Variants in LAMA2 observed in about 807,000 individuals in gnomAD.
The protein encoded by LAMA2 is laminin subunit alpha-2.
In LAMA2, 269 loss-of-function variants were observed where a neutral mutation model predicts 364.8. That is an observed-to-expected ratio of 0.74 (90% CI 0.67 to 0.82). The LOEUF (loss-of-function observed/expected upper bound fraction) is 0.82, where lower values mean the gene tolerates loss of function less well. LAMA2 is among the 40% of genes least tolerant of loss of function. LAMA2 has a pLI of 0.00. For synonymous variants in LAMA2, 1,379 were observed against 1,370.6 expected (o/e 1.01, Z -0.14); for missense variants, 3,807 against 3,873.2 (o/e 0.98, Z 0.45).
intron 30 of LAMA2, among the ~76,000 whole-genome samples, chr6:129,346,210 G>A (rs1348957252): frequency 6.6e-6 from 1 of 152,176 alleles, no homozygotes; most frequent in Non-Finnish European, 1.5e-5. Context: ...GAAACCCTCT[G>A]TAATCTGACT....
intron 4 of LAMA2, among the ~76,000 whole-genome samples, chr6:129,142,668 T>C (rs1778199745): frequency 6.6e-6 from 1 of 152,082 alleles, no homozygotes. Context: ...CTAATTTTGA[T>C]AGTTACTGCT....
At chr6:129,313,196 A>T in intron 23 of LAMA2, 99 bp downstream of exon 23, 1 of 725,996 alleles carries the variant, frequency 1.4e-6, no homozygotes, top group South Asian at 1.8e-5. Context: ...CTGCTTCATT[A>T]AGCTAAACAA....
chr6:129,238,003 CAA>C (rs372294022), intron 12 of LAMA2, among the ~76,000 whole-genome samples: 4 of 125,362 alleles, frequency 3.2e-5, no homozygotes, highest in African/African-American at 6.4e-5. Context: ...ACTAAAAATA[CAA>C]AAAAAAAAAA....
chr6:129,477,214 A>G (rs185348616), intron 53 of LAMA2, among the ~76,000 whole-genome samples: 179 of 152,372 alleles, frequency 1.2e-3, no homozygotes, highest in African/African-American at 4.1e-3. Flanking sequence ...AAATTAAATA[A>G]CAATAAATAT....
At chr6:129,444,541 C>A (rs891301092) in intron 44 of LAMA2, among the ~76,000 whole-genome samples, 17 of 152,110 alleles carry the variant, frequency 1.1e-4, no homozygotes, top group African/African-American at 3.9e-4. Context: ...CTTGATATAG[C>A]AAATCTATTA....
chr6:129,454,426 A>G (rs1477141073), intron 47 of LAMA2, 138 bp downstream of exon 47: 2 of 683,516 alleles, frequency 2.9e-6, no homozygotes, highest in East Asian at 5.6e-5. Flanking sequence ...AATTTTATAC[A>G]TGTCTGGGAG....
chr6:129,066,729 C>A (rs1196291924), intron 3 of LAMA2, among the ~76,000 whole-genome samples: 1 of 152,146 alleles, frequency 6.6e-6, no homozygotes, highest in Non-Finnish European at 1.5e-5. Context: ...AAAACAGATA[C>A]ATAGACCAAC....
intron 8 of LAMA2, among the ~76,000 whole-genome samples, chr6:129,162,226 G>A (rs1281011619): frequency 9.9e-5 from 15 of 152,118 alleles, no homozygotes; most frequent in Non-Finnish European, 1.5e-5. Context: ...TTAAGCTCAT[G>A]ATATAGTGAT....
intron 1 of LAMA2, among the ~76,000 whole-genome samples, chr6:128,984,837 A>G (rs1267860788): frequency 2.0e-5 from 3 of 152,190 alleles, no homozygotes; most frequent in African/African-American, 7.2e-5. Context: ...ACAAAACAAC[A>G]TAAATTCCAT....
chr6:129,368,055 A>G lies in LAMA2; in HGVS notation c.4860+1694A>G, dbSNP rs11965299. ...GGGTGACTTCTTGCTATGACCCCAC[A>G]TTTAATTCATTTAATATCTGGATAC... On this transcript the variant is annotated intron_variant, in intron 33 of 64. Coordinates refer to ENST00000421865, the MANE Select transcript of LAMA2 (RefSeq NM_000426.4). Among the ~76,000 whole-genome samples, 1,387 of 152,284 alleles carry G rather than the reference A, an allele frequency of 9.1e-3. 22 individuals carry two copies. Among genetic ancestry groups the G allele is most frequent in the African/African-American group, 0.032 (1,333 of 41,538 alleles).
At chr6:129,211,556 C>T (rs1338326766) in intron 12 of LAMA2, among the ~76,000 whole-genome samples, 1 of 152,190 alleles carries the variant, frequency 6.6e-6, no homozygotes, top group Non-Finnish European at 1.5e-5. Flanking sequence ...AGAAGGGACC[C>T]GTGGTCCAGT....
In LAMA2 at chr6:129,391,651, G is replaced by C; in HGVS notation, c.5232G>C (p.Leu1744Phe). 1 of 1,612,118 alleles carries C rather than the reference G, an allele frequency of 6.2e-7. No individual in the cohort carries two copies. Among genetic ancestry groups the C allele is most frequent in the Non-Finnish European group, 8.5e-7 (1 of 1,178,334 alleles). Residue 1744 changes from leucine to phenylalanine, a missense_variant and splice_region_variant, in exon 36 of 65, where the codon TTG (leucine) becomes TTC (phenylalanine). By Grantham distance (22) the Leu-to-Phe change is conservative (BLOSUM62 0). Coordinates refer to ENST00000421865, the MANE Select transcript of LAMA2 (RefSeq NM_000426.4). ...AAAAGGAAATTGCTGAAGATGAGTTGGTGTGAGTAGATGAGTTATTATTTT... is the reference window on the plus strand; with the variant it reads ...AAAAGGAAATTGCTGAAGATGAGTTCGTGTGAGTAGATGAGTTATTATTTT... Reference protein sequence around the residue: ...ETQKEIAEDELVAAEALLKKV... With the variant: ...ETQKEIAEDEFVAAEALLKKV...
chr6:128,930,376 C>T (rs1185473995), intron 1 of LAMA2, among the ~76,000 whole-genome samples: 1 of 152,170 alleles, frequency 6.6e-6, no homozygotes, highest in Non-Finnish European at 1.5e-5. Flanking sequence ...ATTACATTTG[C>T]TCACCCCTGA....
At chr6:129,110,059 A>G (rs989956712) in intron 4 of LAMA2, among the ~76,000 whole-genome samples, 1 of 151,968 alleles carries the variant, frequency 6.6e-6, no homozygotes, top group African/African-American at 2.4e-5. Context: ...GCCATTGTTA[A>G]TATTGTACAG....
chr6:129,202,216 A>G (rs1392302334), intron 12 of LAMA2, among the ~76,000 whole-genome samples: 1 of 151,020 alleles, frequency 6.6e-6, no homozygotes, highest in Non-Finnish European at 1.5e-5. Flanking sequence ...AAAAGAAAAG[A>G]AAAGAAAACA....
intron 22 of LAMA2, among the ~76,000 whole-genome samples, chr6:129,309,570 G>A (rs949296201): frequency 7.9e-5 from 12 of 152,092 alleles, no homozygotes; most frequent in African/African-American, 2.2e-4. Flanking sequence ...ATTAATACCC[G>A]ATTATGGCCT....
chr6:129,481,483 T>G, intron 55 of LAMA2, 44 bp downstream of exon 55: 1 of 1,462,492 alleles, frequency 6.8e-7, no homozygotes, highest in Non-Finnish European at 9.6e-7. Context: ...CTAATGCTTA[T>G]ATAAAGCAGT....
At chr6:129,165,478 GTAT>G in intron 8 of LAMA2, 95 bp from the exon 9 acceptor site, 1 of 733,960 alleles carries the variant, frequency 1.4e-6, no homozygotes. Flanking sequence ...TTGCTGCTCT[GTAT>G]TATTAAAACT....
At chr6:129,181,103 C>G in intron 10 of LAMA2, among the ~76,000 whole-genome samples, 1 of 152,056 alleles carries the variant, frequency 6.6e-6, no homozygotes, top group Non-Finnish European at 1.5e-5. Flanking sequence ...GGACCGAATC[C>G]CCAAACCTGT....
Sources: gnomAD v4.1 joint callset for allele counts (sites outside exome capture counted in the v4.1 genomes callset) on GRCh38, gnomAD v4.1.1 for gene constraint, MANE v1.5 for transcripts, NCBI Gene and HGNC (gene_info 2026-07-23, HGNC 2026-07-21) for gene names.